The following INTS15 variants were observed in gnomAD, a reference collection of about 807,000 sequenced individuals.
The protein encoded by INTS15 is integrator complex subunit 15.
At chr7:6,593,629 C>G in the INTS15 span, among the ~76,000 whole-genome samples, 1 of 150,530 alleles carries the variant, frequency 6.6e-6, no homozygotes, top group African/African-American at 2.4e-5. Flanking sequence ...CCACCACACC[C>G]AGTCAGGTGG....
At chr7:6,598,524 G>C in the INTS15 span, among the ~76,000 whole-genome samples, 1 of 150,026 alleles carries the variant, frequency 6.7e-6, no homozygotes, top group African/African-American at 2.5e-5. Flanking sequence ...TGTAGCCATC[G>C]TCTCACTGCA....
At chr7:6,605,919 G>A in the INTS15 span, among the ~76,000 whole-genome samples, 1 of 152,048 alleles carries the variant, frequency 6.6e-6, no homozygotes, top group Non-Finnish European at 1.5e-5. Context: ...GGCTGGCCTC[G>A]AACTCCTGAC....
At chr7:6,601,729 T>C in the INTS15 span, among the ~76,000 whole-genome samples, 7 of 151,612 alleles carry the variant, frequency 4.6e-5, no homozygotes, top group Non-Finnish European at 1.0e-4. Context: ...TGATCTCGGC[T>C]TACTGCAACC....
At chr7:6,601,034 C>A in the INTS15 span, among the ~76,000 whole-genome samples, 1 of 152,126 alleles carries the variant, frequency 6.6e-6, no homozygotes, top group Non-Finnish European at 1.5e-5. Context: ...GTGGCACGAT[C>A]GTAGCTCGCC....
At chr7:6,596,565 G>A in the INTS15 span, among the ~76,000 whole-genome samples, 1 of 151,458 alleles carries the variant, frequency 6.6e-6, no homozygotes, top group Non-Finnish European at 1.5e-5. Context: ...TTTTAGTAGA[G>A]ATGGGGTTTC....
chr7:6,608,263 A>G, the INTS15 span: 2 of 1,484,034 alleles, frequency 1.3e-6, no homozygotes, highest in Admixed American at 4.5e-5. Context: ...GGGGTCGGGC[A>G]GCCCCTCCCC....
the INTS15 span, among the ~76,000 whole-genome samples, chr7:6,601,764 C>T: frequency 1.3e-5 from 2 of 151,618 alleles, no homozygotes; most frequent in South Asian, 2.1e-4. Context: ...TCAAGCAGTT[C>T]TCCTGCCTCA....
chr7:6,599,357 C>T, the INTS15 span, among the ~76,000 whole-genome samples: 1 of 151,934 alleles, frequency 6.6e-6, no homozygotes, highest in South Asian at 2.1e-4. Context: ...CGGCCCTTGG[C>T]AGCAGCCAGA....
At chr7:6,591,432 A>C in the INTS15 span, among the ~76,000 whole-genome samples, 2 of 151,522 alleles carry the variant, frequency 1.3e-5, no homozygotes, top group African/African-American at 4.9e-5. Context: ...ATGCCGGCTA[A>C]TTGTTGTATT....
chr7:6,598,785 G>GTGTGTGTGTGTGTGTGTGTGTGT, the INTS15 span, among the ~76,000 whole-genome samples: 1 of 86,564 alleles, frequency 1.2e-5, no homozygotes, highest in Admixed American at 1.3e-4. Context: ...GTGTGTGTGT[G>GTGTGTGTGTGTGTGTGTGTGTGT]TATTTTTTTT....
the INTS15 span, chr7:6,608,225 C>T: frequency 2.6e-6 from 4 of 1,527,638 alleles, no homozygotes; most frequent in Non-Finnish European, 3.5e-6. Flanking sequence ...AAGGGGTGGC[C>T]GGACTCCCAG....
chr7:6,607,786 G>A, the INTS15 span: 4 of 1,483,586 alleles, frequency 2.7e-6, no homozygotes, highest in Non-Finnish European at 3.6e-6. The surrounding 1 kb of genome is among the most constrained non-coding windows in gnomAD (Gnocchi z 6.0). Flanking sequence ...CCTCGCCTGT[G>A]GGGTCCTGGC....
the INTS15 span, among the ~76,000 whole-genome samples, chr7:6,598,750 T>TGCGTGTGTGTGTGTGC: frequency 1.0e-5 from 1 of 99,882 alleles, no homozygotes; most frequent in African/African-American, 6.0e-5. Context: ...TGTGTGTGTG[T>TGCGTGTGTGTGTGTGC]GTGTGTGTGT....
At chr7:6,593,278 G>A in the INTS15 span, among the ~76,000 whole-genome samples, 1 of 150,236 alleles carries the variant, frequency 6.7e-6, no homozygotes. Context: ...ACGTCTCAGT[G>A]AAATTTTGTT....
At chr7:6,591,658 C>T in the INTS15 span, 30 of 1,613,986 alleles carry the variant, frequency 1.9e-5, no homozygotes, top group South Asian at 3.3e-5. Flanking sequence ...ACTGAATTCC[C>T]TTCAGGAGCT....
At chr7:6,608,081 G>GCCCCCCCCCC in the INTS15 span, 1 of 816,234 alleles carries the variant, frequency 1.2e-6, no homozygotes, top group Non-Finnish European at 1.7e-6. Flanking sequence ...GGCCCACCCC[G>GCCCCCCCCCC]CCGCCCACCC....
chr7:6,590,462 G>C, the INTS15 span: 1 of 1,591,836 alleles, frequency 6.3e-7, no homozygotes, highest in South Asian at 1.1e-5. Context: ...AAGGAGCGCA[G>C]CGCGCAGCCC....
the INTS15 span, among the ~76,000 whole-genome samples, chr7:6,595,220 C>T: frequency 6.6e-6 from 1 of 152,080 alleles, no homozygotes; most frequent in East Asian, 1.9e-4. Context: ...TTTATAGAGA[C>T]AGGGTTTCGC....
chr7:6,608,215 A>G, the INTS15 span: 1 of 1,530,714 alleles, frequency 6.5e-7, no homozygotes. Flanking sequence ...TTCGAGATGG[A>G]AGGGGTGGCC....
Sources: allele counts gnomAD v4.1 joint callset (sites outside exome capture counted in the v4.1 genomes callset), GRCh38; gene constraint gnomAD v4.1.1; non-coding constraint Gnocchi (gnomAD v3.1); transcripts MANE v1.5; gene names NCBI Gene and HGNC (gene_info 2026-07-23, HGNC 2026-07-21).